NFIA: variants seen among roughly 807,000 people sequenced by gnomAD.
NFIA encodes nuclear factor 1 A-type.
A neutral mutation model predicts 62.8 loss-of-function variants in NFIA; 8 were observed. The ratio of observed to expected loss-of-function variants is 0.13; its 90% CI spans 0.07 to 0.23. The LOEUF is 0.23. NFIA is among the 10% of genes least tolerant of loss of function. The pLI is 1.00. For synonymous variants in NFIA, 235 were observed against 238.1 expected, an observed-to-expected ratio of 0.99 and a Z score of 0.12; for missense variants, 410 against 642.1, an observed-to-expected ratio of 0.64 and a Z score of 3.91.
chr1:61,413,249 A>G (rs1019307306), intron 9 of NFIA, among the ~76,000 whole-genome samples: 1 of 152,228 alleles, frequency 6.6e-6, no homozygotes, highest in Non-Finnish European at 1.5e-5. Flanking sequence ...ACAAATGAAT[A>G]TGAATTCGTT....
Position 61,456,297 on chromosome 1 carries a change from C to T in NFIA, c.*977C>T, listed in dbSNP as rs562437805. The T allele has an allele frequency of 4.0e-5, 6 of 150,044 alleles. No individual in the cohort carries two copies. The highest frequency in any genetic ancestry group is 7.4e-5 in the Non-Finnish European group (5 of 67,556). 9.3% of individuals were successfully genotyped at this position (150,044 alleles called of 1,614,324 possible). ...ATTATTGGGGTAAAAAACAGCCTTG[C>T]AAGAAAAAGGGGAGCTATTTTTGCT... On this transcript the variant is annotated 3_prime_UTR_variant, in exon 11 of 11. Coordinates refer to ENST00000403491, the MANE Select transcript of NFIA (RefSeq NM_001134673.4).
Position 61,088,152 on chromosome 1 carries a change from G to A in NFIA, c.31G>A (p.Glu11Lys). ...TTCTTTTTGTTCATTTTCCTAGGAT[G>A]AATTTCATCCTTTCATCGAAGCACT... MYSPLCLTQD[E>K]FHPFIEALLP... is the part of the protein sequence containing the mutation. The change falls in exon 2 of 11, where the codon GAA becomes AAA. Residue 11 changes from glutamate to lysine, a missense_variant. Glu to Lys is a moderately conservative substitution (Grantham distance 56). Around this residue, in one of 3 missense-constraint regions of NFIA, gnomAD observed 86 missense variants for 124.6 expected, o/e 0.69. Transcript: ENST00000403491. This position sits in a 1 kb window ranked among gnomAD's most constrained non-coding sequence, Gnocchi z 4.5. 1 of 1,588,774 alleles carries A rather than the reference G, an allele frequency of 6.3e-7. No homozygotes were observed. The highest frequency in any genetic ancestry group is 8.5e-7 in the Non-Finnish European group (1 of 1,170,210).
At chr1:61,339,961 A>G (rs1384307112) in intron 4 of NFIA, among the ~76,000 whole-genome samples, 1 of 152,212 alleles carries the variant, frequency 6.6e-6, no homozygotes, top group African/African-American at 2.4e-5. Context: ...AGCTGTTGAA[A>G]TTAGAACTAT....
chr1:61,230,312 C>G (rs1213248197), intron 2 of NFIA, among the ~76,000 whole-genome samples: 1 of 152,064 alleles, frequency 6.6e-6, no homozygotes, highest in Non-Finnish European at 1.5e-5. Flanking sequence ...ATGGAAAGAC[C>G]TACTGTGAAG....
intron 6 of NFIA, among the ~76,000 whole-genome samples, chr1:61,362,758 C>T (rs1052663907): frequency 6.6e-6 from 1 of 152,186 alleles, no homozygotes; most frequent in Non-Finnish European, 1.5e-5. Flanking sequence ...TACAATGCTG[C>T]ATTTGTCTCT....
At chr1:61,269,405 G>A (rs746478369) in intron 2 of NFIA, among the ~76,000 whole-genome samples, 15 of 152,148 alleles carry the variant, frequency 9.9e-5, no homozygotes, top group Admixed American at 4.6e-4. Context: ...TTTGCTTGAT[G>A]CAATTCACCA....
chr1:61,258,306 T>A (rs1570466374), intron 2 of NFIA, among the ~76,000 whole-genome samples: 1 of 152,216 alleles, frequency 6.6e-6, no homozygotes, highest in East Asian at 1.9e-4. Context: ...AGATAGGGTG[T>A]GGAAACAGGC....
intron 3 of NFIA, among the ~76,000 whole-genome samples, chr1:61,327,758 C>A (rs1054582377): frequency 6.6e-6 from 1 of 152,012 alleles, no homozygotes; most frequent in Non-Finnish European, 1.5e-5. Flanking sequence ...ATATTGACTT[C>A]TTTTCCTTTG....
At chr1:61,213,673 G>A (rs1653407185) in intron 2 of NFIA, among the ~76,000 whole-genome samples, 1 of 152,112 alleles carries the variant, frequency 6.6e-6, no homozygotes, top group African/African-American at 2.4e-5. Flanking sequence ...ACAGTTCCTT[G>A]GAAAGGACAC....
chr1:61,213,952 A>G (rs918246241), intron 2 of NFIA, among the ~76,000 whole-genome samples: 1 of 152,206 alleles, frequency 6.6e-6, no homozygotes, highest in African/African-American at 2.4e-5. Context: ...CAGGGAAGAT[A>G]CACTCCAGGA....
chr1:61,138,524 T>C (rs1176798130), intron 2 of NFIA, among the ~76,000 whole-genome samples: 2 of 152,088 alleles, frequency 1.3e-5, no homozygotes, highest in Non-Finnish European at 1.5e-5. Context: ...TCCTGGTTTC[T>C]CACTTTCTGA....
In NFIA at chr1:61,333,051, A is replaced by G. The variant is rs917994837; in HGVS notation, c.700+465A>G. ...ATGACATAATCTAGCATGCACGCAC[A>G]CACACACACACACACATACACACAC... On this transcript the variant is annotated intron_variant, in intron 4 of 10. Transcript: ENST00000403491. Among the ~76,000 whole-genome samples, 30 of 147,758 alleles carry G rather than the reference A, an allele frequency of 2.0e-4. No individual in the cohort carries two copies. In the East Asian group the frequency reaches 3.5e-3, roughly 17 times the overall value.
At chr1:61,453,956 C>T (rs964723281) in intron 10 of NFIA, among the ~76,000 whole-genome samples, 4 of 152,162 alleles carry the variant, frequency 2.6e-5, no homozygotes, top group African/African-American at 7.2e-5. Context: ...CGTAGTTTTT[C>T]GGTCTGGGCT....
chr1:61,428,828 C>A (rs1666981847), intron 10 of NFIA, among the ~76,000 whole-genome samples: 2 of 151,922 alleles, frequency 1.3e-5, no homozygotes, highest in Non-Finnish European at 2.9e-5. Context: ...ATATTGATAC[C>A]CTTGTTACAA....
chr1:61,403,637 C>T (rs956892271), intron 7 of NFIA, among the ~76,000 whole-genome samples: 2 of 152,084 alleles, frequency 1.3e-5, no homozygotes, highest in African/African-American at 2.4e-5. Context: ...CTGAATTAGT[C>T]CCTAGAAATT....
intron 7 of NFIA, among the ~76,000 whole-genome samples, chr1:61,387,165 G>T (rs759166450): frequency 6.6e-6 from 1 of 151,996 alleles, no homozygotes; most frequent in Admixed American, 6.5e-5. Context: ...AATCTCAGGG[G>T]GTCAGATAGG....
chr1:61,138,091 T>C (rs764517018), intron 2 of NFIA, among the ~76,000 whole-genome samples: 1 of 152,118 alleles, frequency 6.6e-6, no homozygotes, highest in Non-Finnish European at 1.5e-5. Context: ...AATATTTTCT[T>C]TCCTTTTTTC....
At position 61,213,276 on chromosome 1, in the gene NFIA, T is replaced by C. The variant is rs367851270; in HGVS notation, c.560-64244T>C. On this transcript the variant is annotated intron_variant, in intron 2 of 10. Transcript: ENST00000403491. ...GGCAGTTGACAATTGAGTATCAGTC[T>C]TGATGCTCCAGATTTGAATACCATT... Among the ~76,000 whole-genome samples the C allele has an allele frequency of 1.6e-4, 24 of 152,314 alleles. No individual in the cohort carries two copies. The East Asian group carries it at 4.4e-3, about 28-fold the overall frequency.
chr1:61,373,884 G>T (rs1331853766), intron 6 of NFIA, among the ~76,000 whole-genome samples: 1 of 151,816 alleles, frequency 6.6e-6, no homozygotes, highest in Admixed American at 6.6e-5. Flanking sequence ...AAAGTAAAAA[G>T]TTATTTGGTA....
Sources: allele counts gnomAD v4.1 joint callset (sites outside exome capture counted in the v4.1 genomes callset), GRCh38; gene constraint gnomAD v4.1.1; regional missense constraint gnomAD v4.1.1; non-coding constraint Gnocchi (gnomAD v3.1); transcripts MANE v1.5; gene names NCBI Gene and HGNC (gene_info 2026-07-23, HGNC 2026-07-21).